RIMBP2: variants seen among roughly 807,000 people sequenced by gnomAD.
RIMBP2 encodes the protein RIMS-binding protein 2.
In RIMBP2, 48 loss-of-function variants were observed where a neutral mutation model predicts 118.6. The observed-to-expected ratio is 0.40, with a 90% CI of 0.32 to 0.51. The LOEUF (loss-of-function observed/expected upper bound fraction) is 0.51. Among genes scored for constraint, RIMBP2 ranks in the 20% least tolerant of loss-of-function variants. The probability of loss-of-function intolerance (pLI) is 0.41; values close to 1 mark genes in which losing one functional copy is unlikely to be tolerated. For synonymous variants in RIMBP2, 762 were observed against 742.9 expected (o/e 1.03, Z -0.42); for missense variants, 1,551 against 1,768.3 (o/e 0.88, Z 2.20).
At position 130,446,783 on chromosome 12, in the gene RIMBP2, C is replaced by G. The variant is rs2078555531; in HGVS notation, c.582-1514G>C. Among the ~76,000 whole-genome samples, 1 of 152,172 alleles carries G rather than the reference C, an allele frequency of 6.6e-6. No individual in the cohort carries two copies. Among genetic ancestry groups the G allele is most frequent in the South Asian group, 2.1e-4 (1 of 4,822 alleles). On this transcript the variant is annotated intron_variant, in intron 9 of 22. Transcript: ENST00000690449. This position sits in a 1 kb window ranked among gnomAD's most constrained non-coding sequence, Gnocchi z 4.1. ...GAAAGAGTTTTAAGCCAGGGAGCGA[C>G]AGGATCATGTTTGCGTTTTACAAAG... is the stretch of plus-strand genomic sequence containing the variant.
At chr12:130,655,488 C>G (rs1005095558) in intron 1 of RIMBP2, among the ~76,000 whole-genome samples, 6 of 152,100 alleles carry the variant, frequency 3.9e-5, no homozygotes, top group African/African-American at 1.4e-4. Flanking sequence ...CAGAGAAACA[C>G]CAGCAGTGGA....
chr12:130,506,459 A>C (rs756413288), intron 4 of RIMBP2, among the ~76,000 whole-genome samples, 189 bp downstream of exon 4: 1 of 152,196 alleles, frequency 6.6e-6, no homozygotes. Flanking sequence ...TTCCAGAAAC[A>C]CTGGAATTTT....
At chr12:130,605,832 G>A (rs1216532186) in intron 2 of RIMBP2, among the ~76,000 whole-genome samples, 2 of 152,312 alleles carry the variant, frequency 1.3e-5, no homozygotes, top group East Asian at 3.9e-4. Context: ...GGGAGGCCGA[G>A]GTGGGCAGAT....
intron 1 of RIMBP2, among the ~76,000 whole-genome samples, chr12:130,684,468 C>T (rs948048165): frequency 2.0e-5 from 3 of 152,110 alleles, no homozygotes; most frequent in Non-Finnish European, 4.4e-5. Context: ...TTGTCAAAGG[C>T]GTTCAAACCA....
In RIMBP2 at chr12:130,576,652, C is replaced by T. The variant is rs958385408; in HGVS notation, c.-217+51670G>A. Among the ~76,000 whole-genome samples, 1 of 152,188 alleles carries T rather than the reference C, an allele frequency of 6.6e-6. No individual in the cohort carries two copies. The highest frequency in any genetic ancestry group is 2.4e-5 in the African/African-American group (1 of 41,454). On this transcript the variant is annotated intron_variant, in intron 2 of 22. Coordinates refer to ENST00000690449, the MANE Select transcript of RIMBP2 (RefSeq NM_001393629.1). This position sits in a 1 kb window ranked among gnomAD's most constrained non-coding sequence, Gnocchi z 4.2. The stretch of plus-strand genomic sequence containing the variant: ...AAAATGGAGAGATGAGGATGAAGCA[C>T]GAGCTGGCAGGACAGGGAGGACGGC...
intron 4 of RIMBP2, among the ~76,000 whole-genome samples, chr12:130,494,955 A>C (rs2049004582): frequency 1.3e-5 from 2 of 152,178 alleles, no homozygotes; most frequent in Admixed American, 1.3e-4. Context: ...AAGCCGCCCC[A>C]TGCCCCGCTC....
intron 6 of RIMBP2, among the ~76,000 whole-genome samples, chr12:130,457,556 C>G (rs1459064777): frequency 6.6e-6 from 1 of 152,194 alleles, no homozygotes; most frequent in Non-Finnish European, 1.5e-5. Flanking sequence ...GTTTCTGGCA[C>G]CCATCACAGA....
At position 130,428,330 on chromosome 12, in the gene RIMBP2, C is replaced by T. The variant is rs766994772; in HGVS notation, c.2261G>A (p.Cys754Tyr). 9.1e-5 allele frequency: 147 copies of T among 1,607,994 alleles called. 1 individual carries two copies. Among genetic ancestry groups the T allele is most frequent in the Admixed American group, 2.7e-4 (16 of 59,274 alleles). ...KGSELGKQPH[C>Y]CHGDEYHTES... The stretch of plus-strand genomic sequence containing the variant: ...TGTGTGGTACTCGTCTCCATGGCAA[C>T]AGTGCGGCTGGGGGCCAAGAAAAGG... The change falls in exon 15 of 23, where the codon TGT (cysteine) becomes TAT (tyrosine). Residue 754 changes from cysteine (C) to tyrosine (Y), a missense_variant. By Grantham distance (194) the Cys-to-Tyr change is radical (BLOSUM62 -2). Coordinates refer to ENST00000690449, the MANE Select transcript of RIMBP2 (RefSeq NM_001393629.1).
intron 1 of RIMBP2, among the ~76,000 whole-genome samples, chr12:130,715,926 G>A (rs910449486): frequency 6.6e-6 from 1 of 152,110 alleles, no homozygotes; most frequent in African/African-American, 2.4e-5. Context: ...CAGAGCCACA[G>A]CACCCCTGCA....
chr12:130,707,462 C>T (rs79924328), intron 1 of RIMBP2, among the ~76,000 whole-genome samples: 2,335 of 152,188 alleles, frequency 0.015, 56 homozygotes, highest in African/African-American at 0.053. Context: ...TTCTCAGAGG[C>T]GGTGACCTTT....
At chr12:130,597,881 A>G (rs147185257) in intron 2 of RIMBP2, among the ~76,000 whole-genome samples, 1 of 152,358 alleles carries the variant, frequency 6.6e-6, no homozygotes, top group African/African-American at 2.4e-5. Context: ...TGGAGATTTA[A>G]GCCAATGCAA....
intron 2 of RIMBP2, among the ~76,000 whole-genome samples, chr12:130,552,059 C>T (rs1015121382): frequency 7.2e-5 from 11 of 152,200 alleles, no homozygotes. Flanking sequence ...TAATGGGTTG[C>T]TTGGGCTCAT....
chr12:130,554,103 T>C (rs887129520), intron 2 of RIMBP2, among the ~76,000 whole-genome samples: 1 of 152,076 alleles, frequency 6.6e-6, no homozygotes, highest in Non-Finnish European at 1.5e-5. Context: ...GAATTAACTA[T>C]AGACAAAAAA....
intron 2 of RIMBP2, among the ~76,000 whole-genome samples, chr12:130,537,004 G>C (rs1566220953): frequency 6.6e-6 from 1 of 152,186 alleles, no homozygotes; most frequent in Non-Finnish European, 1.5e-5. Flanking sequence ...TATCTGGCCA[G>C]TACTGTTAAA....
intron 3 of RIMBP2, among the ~76,000 whole-genome samples, chr12:130,509,048 C>T (rs1222471123): frequency 4.6e-5 from 7 of 152,142 alleles, no homozygotes; most frequent in African/African-American, 7.2e-5. Flanking sequence ...TGACCCCCGG[C>T]CCCCGGCCCT....
chr12:130,504,052 G>T (rs550285321), intron 4 of RIMBP2, among the ~76,000 whole-genome samples: 4 of 152,122 alleles, frequency 2.6e-5, no homozygotes, highest in African/African-American at 7.2e-5. Flanking sequence ...GGAGCAGGGG[G>T]GGGTGTCTAG....
intron 2 of RIMBP2, among the ~76,000 whole-genome samples, chr12:130,557,963 G>A (rs1303218684): frequency 2.0e-5 from 3 of 152,056 alleles, no homozygotes; most frequent in Admixed American, 6.5e-5. Flanking sequence ...CTGAAAAGTC[G>A]GGCGATAATA....
rs1001104158 is a variant in RIMBP2, at chr12:130,617,757, G to A, written c.-217+10565C>T. Among the ~76,000 whole-genome samples the A allele has an allele frequency of 6.6e-6, 1 of 152,178 alleles. No individual in the cohort carries two copies. Among genetic ancestry groups the A allele is most frequent in the South Asian group, 2.1e-4 (1 of 4,828 alleles). On this transcript the variant is annotated intron_variant, in intron 2 of 22. Coordinates refer to ENST00000690449, the MANE Select transcript of RIMBP2 (RefSeq NM_001393629.1). The surrounding 1 kb of genome is among the most constrained non-coding windows in gnomAD (Gnocchi z 4.6). ...CCAGTTCTGAATTCACAGAATGCAC[G>A]CAAATTAGATTATTCTGGTAGAACA...
chr12:130,438,238 T>C, intron 12 of RIMBP2, 127 bp downstream of exon 12: 1 of 1,056,700 alleles, frequency 9.5e-7, no homozygotes, highest in Non-Finnish European at 1.4e-6. Context: ...GTCTTCGGGG[T>C]TGAGGGTGCC....
Sources: gnomAD v4.1 joint callset for allele counts (sites outside exome capture counted in the v4.1 genomes callset) on GRCh38, gnomAD v4.1.1 for gene constraint, Gnocchi (gnomAD v3.1) non-coding constraint, MANE v1.5 for transcripts, NCBI Gene and HGNC (gene_info 2026-07-23, HGNC 2026-07-21) for gene names.